The following HIVEP2 variants were observed in gnomAD, a reference collection of about 807,000 sequenced individuals.
HIVEP2 encodes transcription factor HIVEP2.
HIVEP2 carries 14 observed loss-of-function variants against 180.7 expected under a neutral mutation model. That is an observed-to-expected ratio of 0.08 (90% CI 0.05 to 0.12). The LOEUF (loss-of-function observed/expected upper bound fraction) is 0.12, where lower values mean the gene tolerates loss of function less well. HIVEP2 is among the 10% of genes least tolerant of loss of function. The pLI is 1.00. For missense variants in HIVEP2, 2,579 were observed against 3,008.5 expected (o/e 0.86, Z 3.34); for synonymous variants, 1,184 against 1,136.4 (o/e 1.04, Z -0.84).
intron 5 of HIVEP2, 52 bp from the exon 6 acceptor site, chr6:142,768,588 A>T: frequency 1.9e-6 from 3 of 1,555,620 alleles, no homozygotes; most frequent in Non-Finnish European, 2.6e-6. Context: ...AAGACACAGG[A>T]GCCCCTATGT....
chr6:142,817,251 A>C (rs145171953), intron 2 of HIVEP2, among the ~76,000 whole-genome samples: 1 of 152,336 alleles, frequency 6.6e-6, no homozygotes, highest in East Asian at 1.9e-4. Flanking sequence ...TCTGGCTAAA[A>C]TACTGTGGCT....
chr6:142,783,726 T>G (rs1775914363), intron 2 of HIVEP2, 111 bp from the exon 3 acceptor site: 1 of 152,078 alleles, frequency 6.6e-6, no homozygotes, highest in African/African-American at 2.4e-5. Flanking sequence ...AAAGAAAATT[T>G]GGAACTGGAT....
chr6:142,819,882 T>C (rs1776980236), intron 2 of HIVEP2, among the ~76,000 whole-genome samples: 1 of 152,192 alleles, frequency 6.6e-6, no homozygotes, highest in Non-Finnish European at 1.5e-5. Flanking sequence ...AGTACATCCA[T>C]GTCCGTGCAA....
At chr6:142,762,562 CT>C (rs1775277070) in intron 7 of HIVEP2, among the ~76,000 whole-genome samples, 1 of 151,898 alleles carries the variant, frequency 6.6e-6, no homozygotes, top group African/African-American at 2.4e-5. Context: ...TGTAAGGCGC[CT>C]TTACATCACT....
At chr6:142,858,194 C>G (rs996839941) in intron 1 of HIVEP2, among the ~76,000 whole-genome samples, 3 of 152,188 alleles carry the variant, frequency 2.0e-5, no homozygotes, top group Non-Finnish European at 4.4e-5. Flanking sequence ...CTCTTCCTCA[C>G]TTTGACATGT....
intron 1 of HIVEP2, among the ~76,000 whole-genome samples, chr6:142,871,946 T>G (rs757302794): frequency 1.3e-5 from 2 of 152,062 alleles, no homozygotes; most frequent in Non-Finnish European, 2.9e-5. Flanking sequence ...AATGTTCCTT[T>G]TGAACTTGAC....
intron 1 of HIVEP2, among the ~76,000 whole-genome samples, chr6:142,878,524 C>G (rs1776501560): frequency 6.6e-6 from 1 of 152,084 alleles, no homozygotes; most frequent in Admixed American, 6.5e-5. Context: ...AGGGATGGTG[C>G]CGGCAGTGGT....
Position 142,753,289 on chromosome 6 carries a change from G to A in HIVEP2, c.7159C>T (p.Pro2387Ser). The change falls in exon 10 of 10, where the codon CCT (proline) becomes TCT (serine). Residue 2387 changes from proline to serine, a missense_variant. Physicochemically the swap from Pro to Ser is moderately conservative, Grantham distance 74. Transcript: ENST00000367603. The part of the protein sequence containing the change: ...PGQPCTSATH[P>S]DLHDGEKDNF... ...TCCTTTTCACCATCATGCAAGTCAG[G>A]GTGGGTGGCTGAGGTACAGGGCTGA... 3 of 1,614,150 alleles carry A rather than the reference G, an allele frequency of 1.9e-6. No homozygotes were observed. Among genetic ancestry groups the A allele is most frequent in the Non-Finnish European group, 2.5e-6 (3 of 1,180,034 alleles).
intron 1 of HIVEP2, among the ~76,000 whole-genome samples, chr6:142,876,856 TCA>T (rs10548517): frequency 0.71 from 106,301 of 149,610 alleles, 38,169 homozygotes; most frequent in African/African-American, 0.81. Flanking sequence ...AATCCCATCT[TCA>T]CACACACACA....
At chr6:142,845,463 A>G (rs576677480) in intron 1 of HIVEP2, among the ~76,000 whole-genome samples, 1 of 152,214 alleles carries the variant, frequency 6.6e-6, no homozygotes, top group South Asian at 2.1e-4. Flanking sequence ...CTTTTGACTA[A>G]TTATTAGGCG....
chr6:142,866,547 G>A (rs1475209253), intron 1 of HIVEP2, among the ~76,000 whole-genome samples: 1 of 152,040 alleles, frequency 6.6e-6, no homozygotes, highest in African/African-American at 2.4e-5. Context: ...CATGTATGTA[G>A]ATCCATGTCA....
rs766676675 is a variant in HIVEP2, at chr6:142,771,616, C to T, written c.3123G>A (p.Ala1041=). The T allele has an allele frequency of 5.0e-6, 8 of 1,613,994 alleles. No individual in the cohort carries two copies. The highest frequency in any genetic ancestry group is 3.3e-5 in the Admixed American group (2 of 60,002). The part of the protein sequence containing the change: ...SSEQMPCPHP[A]EVPEVRSKSF... ...ATTTGCTCCGAACTTCTGGGACTTC[C>T]GCTGGGTGAGGACAAGGCATCTGCT... Residue 1041 remains alanine, a synonymous_variant, in exon 5 of 10, where the codon GCG becomes GCA. Coordinates refer to ENST00000367603, the MANE Select transcript of HIVEP2 (RefSeq NM_006734.4). This position sits in a 1 kb window ranked among gnomAD's most constrained non-coding sequence, Gnocchi z 5.4.
chr6:142,877,359 A>G (rs568036177), intron 1 of HIVEP2, among the ~76,000 whole-genome samples: 1 of 152,320 alleles, frequency 6.6e-6, no homozygotes, highest in African/African-American at 2.4e-5. Flanking sequence ...TATGGCCACA[A>G]TATAAGAAAA....
At chr6:142,754,359 G>GT (rs1254706848) in intron 9 of HIVEP2, among the ~76,000 whole-genome samples, 1 of 151,594 alleles carries the variant, frequency 6.6e-6, no homozygotes, top group Admixed American at 6.6e-5. Flanking sequence ...ATTACCATCT[G>GT]TTGCTATACT....
At chr6:142,840,119 T>C (rs2114890260) in intron 1 of HIVEP2, among the ~76,000 whole-genome samples, 1 of 152,184 alleles carries the variant, frequency 6.6e-6, no homozygotes, top group African/African-American at 2.4e-5. Context: ...TTCATCATGG[T>C]TACAATCAAC....
intron 1 of HIVEP2, among the ~76,000 whole-genome samples, chr6:142,936,339 C>T (rs1257868624): frequency 2.0e-5 from 3 of 151,636 alleles, no homozygotes; most frequent in East Asian, 2.0e-4. Flanking sequence ...ACTACAGGCA[C>T]GTGCCACCAC....
intron 1 of HIVEP2, among the ~76,000 whole-genome samples, chr6:142,884,901 C>A (rs1433566460): frequency 6.6e-6 from 1 of 152,122 alleles, no homozygotes; most frequent in African/African-American, 2.4e-5. Flanking sequence ...CACAAATGCA[C>A]TGCTCTGCTC....
intron 2 of HIVEP2, among the ~76,000 whole-genome samples, chr6:142,800,256 C>T: frequency 6.6e-6 from 1 of 152,088 alleles, no homozygotes; most frequent in East Asian, 1.9e-4. Context: ...TTTTAGATGA[C>T]AATATTCAAT....
At chr6:142,893,546 A>C (rs1020351739) in intron 1 of HIVEP2, among the ~76,000 whole-genome samples, 1 of 152,194 alleles carries the variant, frequency 6.6e-6, no homozygotes, top group Non-Finnish European at 1.5e-5. Flanking sequence ...GAAATTTACA[A>C]AGGTTTAGTA....
Sources: allele counts gnomAD v4.1 joint callset (sites outside exome capture counted in the v4.1 genomes callset), GRCh38; gene constraint gnomAD v4.1.1; non-coding constraint Gnocchi (gnomAD v3.1); transcripts MANE v1.5; gene names NCBI Gene and HGNC (gene_info 2026-07-23, HGNC 2026-07-21).